The following SIK2 variants were observed in gnomAD, a reference collection of about 807,000 sequenced individuals.
SIK2 encodes serine/threonine-protein kinase SIK2.
Under a neutral mutation model 103.2 loss-of-function variants are expected in SIK2, and 29 were observed. The observed-to-expected ratio is 0.28, with a 90% CI of 0.21 to 0.38. The LOEUF is 0.38. Among genes scored for constraint, SIK2 ranks in the 10% least tolerant of loss-of-function variants. The probability of loss-of-function intolerance (pLI) is 1.00; values close to 1 mark genes in which losing one functional copy is unlikely to be tolerated. For synonymous variants in SIK2, 412 were observed against 446.1 expected (o/e 0.92, Z 0.96); for missense variants, 879 against 1,171.0 (o/e 0.75, Z 3.64).
rs554663428 is a variant in SIK2 at position 111,722,065 on chromosome 11, G to A, written c.2055+125G>A. 3 of 620,508 alleles carry A rather than the reference G, an allele frequency of 4.8e-6. No individual in the cohort carries two copies. The highest frequency in any genetic ancestry group is 3.7e-5 in the African/African-American group (2 of 54,274). The allele number at this position is 620,508 out of a possible 1,614,324, so 38.4% of individuals were successfully genotyped here. On this transcript the variant is annotated intron_variant, in intron 13 of 14. Transcript: ENST00000304987. This position sits in a 1 kb window ranked among gnomAD's most constrained non-coding sequence, Gnocchi z 4.4. ...CTGCTTGATTCCTTATAGGCAAGTAGCTTTGACTCTGTACTTGGAGTTTCT... is the reference window on the plus strand; with the variant it reads ...CTGCTTGATTCCTTATAGGCAAGTAACTTTGACTCTGTACTTGGAGTTTCT...
intron 2 of SIK2, among the ~76,000 whole-genome samples, chr11:111,618,013 G>A (rs1282990237): frequency 3.3e-5 from 5 of 151,994 alleles, no homozygotes; most frequent in African/African-American, 9.7e-5. Context: ...GGATCCTCCC[G>A]CTTCAGCTAG....
intron 3 of SIK2, among the ~76,000 whole-genome samples, chr11:111,643,056 C>G (rs1262484485): frequency 6.6e-6 from 1 of 151,856 alleles, no homozygotes; most frequent in East Asian, 1.9e-4. Flanking sequence ...TTAAAAGAGG[C>G]CTTTCTTTCA....
intron 9 of SIK2, among the ~76,000 whole-genome samples, chr11:111,718,249 T>C (rs375129227): frequency 1.6e-4 from 25 of 152,320 alleles, no homozygotes; most frequent in East Asian, 1.3e-3. Flanking sequence ...GAAAATTGTA[T>C]TAGTAGAGAG....
chr11:111,691,678 A>G (rs1046067966), intron 4 of SIK2, among the ~76,000 whole-genome samples: 2 of 152,086 alleles, frequency 1.3e-5, no homozygotes, highest in South Asian at 2.1e-4. Context: ...ACACACACAC[A>G]TGTGTGCACA....
At chr11:111,674,948 T>C (rs1337423351) in intron 3 of SIK2, among the ~76,000 whole-genome samples, 1 of 152,192 alleles carries the variant, frequency 6.6e-6, no homozygotes, top group East Asian at 1.9e-4. Context: ...GTTTTCACCA[T>C]GTTAGCCAGG....
Position 111,723,924 on chromosome 11 carries a change from C to T in SIK2, c.2576C>T (p.Pro859Leu), listed in dbSNP as rs1445595146. 6.2e-7 allele frequency: 1 copy of T among 1,613,974 alleles called. No homozygotes were observed. The highest frequency in any genetic ancestry group is 2.2e-5 in the East Asian group (1 of 44,864). ...CELPSAASPA[P>L]DYPTPCQYPV... ...CTGCCAAGCGCTGCTTCCCCTGCGC[C>T]AGACTATCCCACTCCCTGTCAGTAT... The change falls in exon 15 of 15, where the codon CCA becomes CTA. Residue 859 changes from proline (P) to leucine (L), a missense_variant. This residue lies in a region of SIK2 where 375 missense variants were observed against 416.3 expected (regional missense o/e 0.90). Coordinates refer to ENST00000304987, the MANE Select transcript of SIK2 (RefSeq NM_015191.3).
At chr11:111,664,822 A>G (rs1942513854) in intron 3 of SIK2, among the ~76,000 whole-genome samples, 1 of 151,896 alleles carries the variant, frequency 6.6e-6, no homozygotes, top group African/African-American at 2.4e-5. Context: ...GTTTAGTTGG[A>G]ACAGCGGAAC....
chr11:111,649,270 A>G (rs547862745), intron 3 of SIK2, among the ~76,000 whole-genome samples: 1 of 152,158 alleles, frequency 6.6e-6, no homozygotes, highest in South Asian at 2.1e-4. Flanking sequence ...CTGCTAATCA[A>G]ACACTGTACA....
In SIK2 at chr11:111,665,293, A is replaced by T. The variant is rs199583591; in HGVS notation, c.317-22708A>T. ...AAACCCCATGTTTACAAAAAAAAAA[A>T]ATACACACACACTAGCCGGGTGTGG... On this transcript the variant is annotated intron_variant, in intron 3 of 14. Coordinates refer to ENST00000304987, the MANE Select transcript of SIK2 (RefSeq NM_015191.3). 8.0e-4 allele frequency among the ~76,000 whole-genome samples: 121 copies of T among 152,032 alleles called. 1 individual carries two copies. The South Asian group carries it at 0.019, about 24-fold the overall frequency.
At position 111,602,496 on chromosome 11, in the gene SIK2, C is replaced by G; in HGVS notation, c.-68C>G. On this transcript the variant is annotated 5_prime_UTR_variant, in exon 1 of 15. Coordinates refer to ENST00000304987, the MANE Select transcript of SIK2 (RefSeq NM_015191.3). This position sits in a 1 kb window ranked among gnomAD's most constrained non-coding sequence, Gnocchi z 4.5. The stretch of plus-strand genomic sequence containing the variant: ...CAAGCGGAGCGGCCGTCGCCCAAGC[C>G]AAGCCGCGCTGCCAACCCTCCCGCC... The G allele has an allele frequency of 7.2e-7, 1 of 1,398,362 alleles. No individual in the cohort carries two copies. The highest frequency in any genetic ancestry group is 1.5e-5 in the South Asian group (1 of 64,692). The allele number at this position is 1,398,362 out of a possible 1,614,324, so 86.6% of individuals were successfully genotyped here.
chr11:111,672,204 C>G (rs1021348969), intron 3 of SIK2: 7 of 399,666 alleles, frequency 1.8e-5, no homozygotes, highest in African/African-American at 1.3e-4. Flanking sequence ...TGATGCCCCC[C>G]CATACCACTG....
chr11:111,641,312 T>TA (rs1023735772), intron 3 of SIK2, among the ~76,000 whole-genome samples: 1 of 152,184 alleles, frequency 6.6e-6, no homozygotes, highest in Non-Finnish European at 1.5e-5. Context: ...TCCAGGTCCC[T>TA]ACTTACTGAC....
intron 9 of SIK2, among the ~76,000 whole-genome samples, chr11:111,712,709 C>T (rs750381747): frequency 6.6e-6 from 1 of 152,126 alleles, no homozygotes; most frequent in African/African-American, 2.4e-5. Flanking sequence ...TTTTCCCTAA[C>T]AAATTAATGC....
intron 3 of SIK2, among the ~76,000 whole-genome samples, chr11:111,668,215 C>A (rs1034325984): frequency 6.6e-6 from 1 of 150,714 alleles, no homozygotes; most frequent in Non-Finnish European, 1.5e-5. Flanking sequence ...TTTGTGCACA[C>A]GCATGCATGT....
At chr11:111,628,194 G>A (rs374531689) in intron 3 of SIK2, among the ~76,000 whole-genome samples, 2 of 152,248 alleles carry the variant, frequency 1.3e-5, no homozygotes, top group Admixed American at 6.5e-5. Context: ...CCAAATTGCC[G>A]AGTATAGTGT....
At chr11:111,716,500 C>T (rs1262184099) in intron 9 of SIK2, among the ~76,000 whole-genome samples, 1 of 152,066 alleles carries the variant, frequency 6.6e-6, no homozygotes, top group African/African-American at 2.4e-5. Flanking sequence ...TTGCTTGAAC[C>T]TGGGAGATGG....
rs969803671 is a variant in SIK2 at position 111,728,235 on chromosome 11, G to A, written c.*4106G>A. On this transcript the variant is annotated 3_prime_UTR_variant, in exon 15 of 15. Transcript: ENST00000304987. ...TGGAGAACAGGGAAGCTCGTAAGTT[G>A]GAGTCATTGTACAGGCAGGGATCTT... 2.0e-5 allele frequency: 3 copies of A among 152,046 alleles called. No homozygotes were observed. Among genetic ancestry groups the A allele is most frequent in the Non-Finnish European group, 2.9e-5 (2 of 68,014 alleles). 9.4% of individuals were successfully genotyped at this position (152,046 alleles called of 1,614,324 possible).
chr11:111,657,757 A>G (rs968034050), intron 3 of SIK2, among the ~76,000 whole-genome samples: 5 of 152,174 alleles, frequency 3.3e-5, no homozygotes, highest in Non-Finnish European at 5.9e-5. Flanking sequence ...GTGGGGAGTA[A>G]GTGTCAGATG....
intron 4 of SIK2, among the ~76,000 whole-genome samples, chr11:111,693,617 A>T (rs987324068): frequency 2.0e-5 from 3 of 152,230 alleles, no homozygotes; most frequent in African/African-American, 7.2e-5. Context: ...TTTATAATAA[A>T]TACTTAAATA....
Sources: allele counts gnomAD v4.1 joint callset (sites outside exome capture counted in the v4.1 genomes callset), GRCh38; gene constraint gnomAD v4.1.1; regional missense constraint gnomAD v4.1.1; non-coding constraint Gnocchi (gnomAD v3.1); transcripts MANE v1.5; gene names NCBI Gene and HGNC (gene_info 2026-07-23, HGNC 2026-07-21).